WDR49: variants seen among roughly 807,000 people sequenced by gnomAD.
WDR49 encodes the protein cilia- and flagella-associated protein 337.
In WDR49, 107 loss-of-function variants were observed where a neutral mutation model predicts 119.5. The observed-to-expected ratio is 0.90, with a 90% CI of 0.77 to 1.05. The LOEUF is 1.05. Among genes scored for constraint, WDR49 ranks in the 50% least tolerant of loss-of-function variants. The pLI is 0.00. For missense variants in WDR49, 1,240 were observed against 1,220.5 expected, an observed-to-expected ratio of 1.02 and a Z score of -0.24; for synonymous variants, 425 against 418.8, an observed-to-expected ratio of 1.01 and a Z score of -0.18.
chr3:167,634,338 T>G (rs1717517672), intron 2 of WDR49, among the ~76,000 whole-genome samples: 1 of 151,972 alleles, frequency 6.6e-6, no homozygotes, highest in Admixed American at 6.6e-5. Flanking sequence ...CTACATCTAT[T>G]TAACTGCTAA....
intron 10 of WDR49, among the ~76,000 whole-genome samples, chr3:167,538,957 A>C (rs1230965786): frequency 6.6e-6 from 1 of 152,156 alleles, no homozygotes; most frequent in Admixed American, 6.6e-5. Context: ...TTTAAGACCC[A>C]ATAATACATA....
intron 7 of WDR49, 145 bp from the exon 8 acceptor site, chr3:167,576,296 A>T: frequency 1.5e-6 from 1 of 656,080 alleles, no homozygotes; most frequent in Non-Finnish European, 2.6e-6. Context: ...CTGCCATAGC[A>T]CCTATTATTT....
At chr3:167,616,185 G>C (rs1716588740) in intron 5 of WDR49, among the ~76,000 whole-genome samples, 1 of 152,142 alleles carries the variant, frequency 6.6e-6, no homozygotes, top group Non-Finnish European at 1.5e-5. Context: ...AGCTGGTAAA[G>C]GGTTGTTAAG....
chr3:167,522,009 G>GATAGATAT (rs58260090), intron 16 of WDR49, among the ~76,000 whole-genome samples: 36,962 of 144,050 alleles, frequency 0.26, 5,625 homozygotes, highest in East Asian at 0.37. Flanking sequence ...TAGATAGATA[G>GATAGATAT]ATAGATAGAT....
chr3:167,527,731 A>T, intron 15 of WDR49, 89 bp downstream of exon 15: 5 of 1,308,990 alleles, frequency 3.8e-6, no homozygotes, highest in Non-Finnish European at 5.2e-6. Context: ...ATGAACATTA[A>T]ACAGCTGATG....
rs774534753 is a variant in WDR49, at chr3:167,529,140, A to G, written c.2318T>C (p.Val773Ala). ...LLAEFLAHSG[V>A]GSIIMSTDKM... ...ATCAGTAGACATAATAATCGATCCA[A>G]CTCCACTATGAGCCAAAAATTCAGC... The change falls in exon 14 of 19, where the codon GTT becomes GCT. Residue 773 changes from valine to alanine, a missense_variant. Physicochemically the swap from Val to Ala is moderately conservative, Grantham distance 64 (BLOSUM62 0). Coordinates refer to ENST00000682715, the MANE Select transcript of WDR49 (RefSeq NM_001366157.1). 68 of 1,612,126 alleles carry G rather than the reference A, an allele frequency of 4.2e-5. No homozygotes were observed. Among genetic ancestry groups the G allele is most frequent in the Non-Finnish European group, 5.5e-5 (65 of 1,179,254 alleles).
intron 13 of WDR49, among the ~76,000 whole-genome samples, chr3:167,530,165 C>G (rs1038694018): frequency 6.6e-6 from 1 of 151,972 alleles, no homozygotes; most frequent in African/African-American, 2.4e-5. Context: ...TGTTTTTAAA[C>G]TATACCTTTA....
In WDR49 at chr3:167,532,991, G is replaced by C. The variant is rs1172801556; in HGVS notation, c.1955-14C>G. On this transcript the variant is annotated splice_polypyrimidine_tract_variant and intron_variant, in intron 11 of 18. Coordinates refer to ENST00000682715, the MANE Select transcript of WDR49 (RefSeq NM_001366157.1). ...CATCATAACTCCCTACACAAGACAG[G>C]ATGGAGAATATAAATTGCCAGGAGA... The C allele has an allele frequency of 6.5e-7, 1 of 1,530,274 alleles. No individual in the cohort carries two copies. Among genetic ancestry groups the C allele is most frequent in the East Asian group, 2.3e-5 (1 of 43,356 alleles). The allele number at this position is 1,530,274 out of a possible 1,614,324, so 94.8% of individuals were successfully genotyped here. A position where few individuals can be genotyped will look rare whatever the true frequency, so the allele number is the denominator to read the frequency against.
chr3:167,492,847 C>T (rs574425505), intron 18 of WDR49, among the ~76,000 whole-genome samples: 7 of 135,542 alleles, frequency 5.2e-5, no homozygotes, highest in African/African-American at 1.9e-4. Flanking sequence ...CATCCATTAT[C>T]ACCTCATAAC....
At chr3:167,657,458 C>A (rs1718632232), upstream of WDR49, among the ~76,000 whole-genome samples, 1 of 152,032 alleles carries the variant, frequency 6.6e-6, no homozygotes, top group Non-Finnish European at 1.5e-5. Flanking sequence ...CATCTCTATG[C>A]CCACCATTGC....
chr3:167,640,712 T>TA (rs1559929085), intron 2 of WDR49, among the ~76,000 whole-genome samples: 1 of 151,852 alleles, frequency 6.6e-6, no homozygotes, highest in Non-Finnish European at 1.5e-5. Flanking sequence ...CAAGCTGCTG[T>TA]AAAAAAGAGG....
intron 3 of WDR49, among the ~76,000 whole-genome samples, chr3:167,622,181 C>T (rs1047539849): frequency 6.6e-6 from 1 of 151,916 alleles, no homozygotes; most frequent in African/African-American, 2.4e-5. Context: ...TAGAAAAAGA[C>T]TTCAATTCAA....
chr3:167,603,281 A>G (rs1678384362), intron 6 of WDR49, among the ~76,000 whole-genome samples: 1 of 152,138 alleles, frequency 6.6e-6, no homozygotes, highest in South Asian at 2.1e-4. Context: ...GCACTATAGG[A>G]GGTACAAAGT....
chr3:167,573,689 T>A (rs1030976670), intron 8 of WDR49, among the ~76,000 whole-genome samples: 1 of 152,080 alleles, frequency 6.6e-6, no homozygotes, highest in Non-Finnish European at 1.5e-5. Context: ...AGAATCTGAG[T>A]CTCCCAGAGG....
At chr3:167,610,112 T>C (rs1251023061) in intron 5 of WDR49, among the ~76,000 whole-genome samples, 1 of 152,138 alleles carries the variant, frequency 6.6e-6, no homozygotes, top group Non-Finnish European at 1.5e-5. Flanking sequence ...CATTACTAGC[T>C]GTGGAGGCTA....
chr3:167,593,261 T>G (rs935870047), intron 7 of WDR49, among the ~76,000 whole-genome samples: 2 of 152,128 alleles, frequency 1.3e-5, no homozygotes, highest in Non-Finnish European at 2.9e-5. Context: ...GAGACTGTTT[T>G]CTAGATCTTG....
intron 9 of WDR49, among the ~76,000 whole-genome samples, chr3:167,557,333 T>C (rs1712993322): frequency 6.6e-6 from 1 of 152,200 alleles, no homozygotes; most frequent in Admixed American, 6.5e-5. Context: ...CACAGATATA[T>C]TCATATATGT....
At chr3:167,602,093 A>C in intron 7 of WDR49, 34 bp downstream of exon 7, 3 of 1,547,406 alleles carry the variant, frequency 1.9e-6, no homozygotes, top group Non-Finnish European at 2.6e-6. Flanking sequence ...CGGGGAAGCA[A>C]AACTAAATTA....
intron 7 of WDR49, among the ~76,000 whole-genome samples, chr3:167,594,291 T>C (rs537964313): frequency 8.2e-4 from 125 of 152,290 alleles, no homozygotes; most frequent in Middle Eastern, 6.8e-3. Flanking sequence ...AAAATGTTCA[T>C]AGTGATATGG....
Sources: allele counts gnomAD v4.1 joint callset (sites outside exome capture counted in the v4.1 genomes callset), GRCh38; gene constraint gnomAD v4.1.1; transcripts MANE v1.5; gene names NCBI Gene and HGNC (gene_info 2026-07-23, HGNC 2026-07-21).